The following HMG20A variants were observed in gnomAD, a reference collection of about 807,000 sequenced individuals.
The protein encoded by HMG20A is high mobility group protein 20A.
A neutral mutation model predicts 43.9 loss-of-function variants in HMG20A; 17 were observed. That is an observed-to-expected ratio of 0.39 (90% CI 0.27 to 0.58). The LOEUF is 0.58. Among genes scored for constraint, HMG20A ranks in the 20% least tolerant of loss-of-function variants. HMG20A has a pLI of 0.59. For synonymous variants in HMG20A, 132 were observed against 147.5 expected (o/e 0.89, Z 0.76); for missense variants, 341 against 438.2 (o/e 0.78, Z 1.98).
intron 6 of HMG20A, among the ~76,000 whole-genome samples, chr15:77,475,697 G>C (rs1374719430): frequency 1.3e-5 from 2 of 152,204 alleles, no homozygotes; most frequent in Non-Finnish European, 2.9e-5. Flanking sequence ...TGCATGTTGG[G>C]ATTGTGTGTC....
the HMG20A span, among the ~76,000 whole-genome samples, chr15:77,508,667 G>A: frequency 6.6e-6 from 1 of 152,214 alleles, no homozygotes; most frequent in South Asian, 2.1e-4. Flanking sequence ...CCAAGCCAGG[G>A]CTGGACGGGT....
chr15:77,451,969 A>C (rs1231774138), intron 1 of HMG20A, among the ~76,000 whole-genome samples: 3 of 152,244 alleles, frequency 2.0e-5, no homozygotes, highest in Admixed American at 6.5e-5. Flanking sequence ...TTGTTTGAAG[A>C]TAGTCTCACT....
chr15:77,423,615 C>G (rs2073393719), intron 1 of HMG20A, among the ~76,000 whole-genome samples: 1 of 152,156 alleles, frequency 6.6e-6, no homozygotes, highest in African/African-American at 2.4e-5. Flanking sequence ...ACACTGCTCA[C>G]AGCAGTTTGA....
the HMG20A span, among the ~76,000 whole-genome samples, chr15:77,502,065 T>C: frequency 1.3e-5 from 2 of 152,222 alleles, no homozygotes; most frequent in African/African-American, 4.8e-5. Flanking sequence ...CAAAGAATAA[T>C]TTTTTATATT....
At chr15:77,421,346 C>T (rs562205977) in intron 1 of HMG20A, among the ~76,000 whole-genome samples, 3 of 152,324 alleles carry the variant, frequency 2.0e-5, no homozygotes, top group African/African-American at 7.2e-5. Context: ...CCAAGTTGTG[C>T]TGAACACCAA....
chr15:77,509,555 CGTGTGTGT>C, the HMG20A span, among the ~76,000 whole-genome samples: 16,103 of 115,286 alleles, frequency 0.14, 1,540 homozygotes, highest in East Asian at 0.45. Flanking sequence ...TGTGCCCAGC[CGTGTGTGT>C]GTGTGTGTGT....
chr15:77,450,255 C>G (rs762560016), intron 1 of HMG20A, among the ~76,000 whole-genome samples: 7 of 151,976 alleles, frequency 4.6e-5, no homozygotes, highest in Non-Finnish European at 7.4e-5. Flanking sequence ...TCAGCCTCCC[C>G]GAGTAGCTAG....
chr15:77,465,282 A>AAAAG lies in HMG20A; in HGVS notation c.237+903_237+906dup, dbSNP rs1555510323. On this transcript the variant is annotated intron_variant, in intron 3 of 9. Coordinates refer to ENST00000336216, the MANE Select transcript of HMG20A (RefSeq NM_001304504.2). Reference sequence around the variant, plus strand: ...TCTCAAAAAAAAAAAAAAAAAAAAAAAAAGAAAGAAAAAAACAACTAATTT... The same window carrying AAAAG: ...TCTCAAAAAAAAAAAAAAAAAAAAAAAAAGAAAGAAAGAAAAAAACAACTAATTT... Among the ~76,000 whole-genome samples the AAAAG allele has an allele frequency of 7.0e-3, 993 of 142,530 alleles. 12 individuals carry two copies. Among genetic ancestry groups the AAAAG allele is most frequent in the Non-Finnish European group, 9.8e-3 (627 of 64,070 alleles). The allele number at this position is 142,530 out of a possible 152,430, so 93.5% of individuals were successfully genotyped here.
At chr15:77,442,937 A>G (rs1806648827) in intron 1 of HMG20A, among the ~76,000 whole-genome samples, 2 of 152,180 alleles carry the variant, frequency 1.3e-5, no homozygotes, top group South Asian at 4.1e-4. Flanking sequence ...TCTTTAAAGT[A>G]ACAAAACCAT....
chr15:77,476,768 C>T lies in HMG20A; in HGVS notation c.616-787C>T, dbSNP rs191730611. Among the ~76,000 whole-genome samples, 283 of 152,192 alleles carry T rather than the reference C, an allele frequency of 1.9e-3. 1 individual carries two copies. The highest frequency in any genetic ancestry group is 6.6e-3 in the African/African-American group (276 of 41,534). ...TTCAACTTCAAATTCATTTTAGAAA[C>T]GACAGCCAAAGCATCTTGAGTTATT... is the stretch of plus-strand genomic sequence containing the variant. On this transcript the variant is annotated intron_variant, in intron 6 of 9. Transcript: ENST00000336216.
chr15:77,470,184 T>C (rs1475251794), intron 4 of HMG20A, among the ~76,000 whole-genome samples: 3 of 152,232 alleles, frequency 2.0e-5, no homozygotes, highest in Non-Finnish European at 2.9e-5. Context: ...TTTCTGAGTG[T>C]GTTTTCTGTT....
chr15:77,422,570 C>T (rs1383966395), intron 1 of HMG20A, among the ~76,000 whole-genome samples: 5 of 152,092 alleles, frequency 3.3e-5, no homozygotes, highest in Non-Finnish European at 5.9e-5. Flanking sequence ...GAGCCAAGAT[C>T]GCTCCACTGC....
chr15:77,456,634 C>CAAA (rs34114445), intron 1 of HMG20A, among the ~76,000 whole-genome samples: 5 of 95,366 alleles, frequency 5.2e-5, no homozygotes, highest in Admixed American at 1.1e-4. Context: ...GCGAGACTGT[C>CAAA]AAAAAAAAAA....
chr15:77,492,776 A>G, the HMG20A span, among the ~76,000 whole-genome samples: 4 of 151,850 alleles, frequency 2.6e-5, no homozygotes, highest in African/African-American at 9.7e-5. Flanking sequence ...ATACCATTGC[A>G]CTCCAGCTTG....
the HMG20A span, among the ~76,000 whole-genome samples, chr15:77,514,711 G>C: frequency 0.012 from 1,759 of 152,250 alleles, 41 homozygotes; most frequent in African/African-American, 0.04. Flanking sequence ...AGCTGTGGAA[G>C]CTATAGAAGG....
chr15:77,443,373 G>GATT lies in HMG20A; in HGVS notation c.-4-15029_-4-15028insTAT, dbSNP rs1491395709. ...TTTTTATGATGATGATGATGATGAT[G>GATT]ATGATGATTATTATTATTATTATTA... On this transcript the variant is annotated intron_variant, in intron 1 of 9. Coordinates refer to ENST00000336216, the MANE Select transcript of HMG20A (RefSeq NM_001304504.2). Among the ~76,000 whole-genome samples the GATT allele has an allele frequency of 5.5e-3, 670 of 122,218 alleles. 2 individuals carry two copies. Among genetic ancestry groups the GATT allele is most frequent in the South Asian group, 9.1e-3 (34 of 3,744 alleles). 80.2% of individuals were successfully genotyped at this position (122,218 alleles called of 152,430 possible).
intron 1 of HMG20A, among the ~76,000 whole-genome samples, chr15:77,444,036 T>C (rs1012635285): frequency 2.6e-5 from 4 of 152,216 alleles, no homozygotes; most frequent in African/African-American, 9.6e-5. Context: ...AATATACTTA[T>C]AATCCATATA....
chr15:77,450,399 A>T (rs2142311190), intron 1 of HMG20A, among the ~76,000 whole-genome samples: 1 of 152,372 alleles, frequency 6.6e-6, no homozygotes, highest in Admixed American at 6.5e-5. Context: ...TTTACCTTAC[A>T]CATGGCTTGA....
chr15:77,447,766 C>G (rs2073690787), intron 1 of HMG20A: 1 of 152,148 alleles, frequency 6.6e-6, no homozygotes, highest in Non-Finnish European at 1.5e-5. Context: ...TAAAGCAAAG[C>G]TACACATCAC....
Sources: gnomAD v4.1 joint callset for allele counts (sites outside exome capture counted in the v4.1 genomes callset) on GRCh38, gnomAD v4.1.1 for gene constraint, MANE v1.5 for transcripts, NCBI Gene and HGNC (gene_info 2026-07-23, HGNC 2026-07-21) for gene names.